LAMA2: variants seen among roughly 807,000 people sequenced by gnomAD.
LAMA2 encodes the protein laminin subunit alpha-2.
A neutral mutation model predicts 364.8 loss-of-function variants in LAMA2; 269 were observed. That is an observed-to-expected ratio of 0.74 (90% CI 0.67 to 0.82). LAMA2 has a LOEUF of 0.82. Ranked by LOEUF, LAMA2 falls within the 40% of genes least tolerant of loss-of-function variation. The pLI is 0.00. For missense variants in LAMA2, 3,807 were observed against 3,873.2 expected (o/e 0.98, Z 0.45); for synonymous variants, 1,379 against 1,370.6 (o/e 1.01, Z -0.14).
chr6:128,960,250 A>G (rs539793433), intron 1 of LAMA2, among the ~76,000 whole-genome samples: 1 of 151,410 alleles, frequency 6.6e-6, no homozygotes, highest in African/African-American at 2.4e-5. Flanking sequence ...TTATTTATCT[A>G]TGGAACTCTT....
rs765369920 is a variant in LAMA2 at position 129,154,454 on chromosome 6, A to G, written c.1028-51A>G. On this transcript the variant is annotated intron_variant, in intron 7 of 64. Transcript: ENST00000421865. Reference sequence around the variant, plus strand: ...TATGTATAACAGAAATGATTTTTAAATGTATCTGAAATCAAATTGATGTTT... The same window carrying G: ...TATGTATAACAGAAATGATTTTTAAGTGTATCTGAAATCAAATTGATGTTT... 71 of 1,475,454 alleles carry G rather than the reference A, an allele frequency of 4.8e-5. No individual in the cohort carries two copies. The Admixed American group carries it at 7.3e-4, about 15-fold the overall frequency. The allele number at this position is 1,475,454 out of a possible 1,614,324, so 91.4% of individuals were successfully genotyped here. A position where few individuals can be genotyped will look rare whatever the true frequency, so the allele number is the denominator to read the frequency against.
At chr6:129,279,337 G>C (rs2114387896) in intron 17 of LAMA2, among the ~76,000 whole-genome samples, 1 of 152,294 alleles carries the variant, frequency 6.6e-6, no homozygotes, top group South Asian at 2.1e-4. Context: ...GCTAGCACCT[G>C]AGTTCTCTGT....
At chr6:128,962,185 T>TACACACAC (rs1554335791) in intron 1 of LAMA2, among the ~76,000 whole-genome samples, 8 of 103,924 alleles carry the variant, frequency 7.7e-5, no homozygotes, top group African/African-American at 3.0e-4. Flanking sequence ...TATATATATA[T>TACACACAC]ACACACATAC....
intron 4 of LAMA2, among the ~76,000 whole-genome samples, chr6:129,108,077 T>C (rs1030438643): frequency 1.4e-5 from 2 of 138,290 alleles, no homozygotes; most frequent in African/African-American, 6.0e-5. Context: ...TTATATCTAA[T>C]AGGTTTTTTT....
chr6:129,360,383 T>C (rs950195855), intron 32 of LAMA2, among the ~76,000 whole-genome samples: 5 of 152,190 alleles, frequency 3.3e-5, no homozygotes, highest in African/African-American at 1.2e-4. Flanking sequence ...AAGTAGCTTC[T>C]GGTGTAAGTG....
intron 41 of LAMA2, among the ~76,000 whole-genome samples, chr6:129,428,351 T>C (rs1302564879): frequency 6.6e-6 from 1 of 152,226 alleles, no homozygotes; most frequent in Non-Finnish European, 1.5e-5. Flanking sequence ...GGAGGATCGC[T>C]TTAGCCCAGG....
At chr6:129,366,081 A>T in intron 32 of LAMA2, 138 bp from the exon 33 acceptor site, 2 of 892,260 alleles carry the variant, frequency 2.2e-6, no homozygotes, top group Non-Finnish European at 1.8e-6. Flanking sequence ...ATTTGATAGC[A>T]TTAATATTCT....
rs973567167 is a variant in LAMA2, at chr6:129,032,107, C to A, written c.113-17811C>A. ...TGCTGGGATTACAGGCGTGAGCCAC[C>A]AGGCCCATCCTCTGATATGAATTTC... On this transcript the variant is annotated intron_variant, in intron 1 of 64. Coordinates refer to ENST00000421865, the MANE Select transcript of LAMA2 (RefSeq NM_000426.4). Among the ~76,000 whole-genome samples the A allele has an allele frequency of 2.0e-5, 3 of 152,188 alleles. No individual in the cohort carries two copies. The South Asian group carries it at 6.2e-4, about 32-fold the overall frequency.
intron 1 of LAMA2, among the ~76,000 whole-genome samples, chr6:129,042,001 C>CAAAA (rs67741467): frequency 4.0e-4 from 57 of 142,932 alleles, no homozygotes; most frequent in African/African-American, 1.4e-3. Context: ...GACCCTGTCT[C>CAAAA]AAAAAAAAAA....
At chr6:129,414,652 G>A (rs7764094) in intron 40 of LAMA2, among the ~76,000 whole-genome samples, 76,199 of 151,878 alleles carry the variant, frequency 0.5, 19,606 homozygotes, top group African/African-American at 0.62. Context: ...GGTCTAAAAT[G>A]GGTCTGGAAA....
intron 41 of LAMA2, among the ~76,000 whole-genome samples, chr6:129,434,765 A>G (rs576708797): frequency 6.6e-6 from 1 of 152,198 alleles, no homozygotes; most frequent in South Asian, 2.1e-4. Flanking sequence ...CCTCGCTATT[A>G]TTTTGTAAGT....
In LAMA2 at chr6:129,402,484, A is replaced by G. The variant is rs940248469; in HGVS notation, c.5723A>G (p.Asp1908Gly). The G allele has an allele frequency of 6.2e-7, 1 of 1,614,074 alleles. No individual in the cohort carries two copies. The highest frequency in any genetic ancestry group is 1.1e-5 in the South Asian group (1 of 91,076). Residue 1908 changes from aspartate (D) to glycine (G), a missense_variant, in exon 39 of 65, where the codon GAT (aspartate) becomes GGT (glycine). Physicochemically the swap from Asp to Gly is moderately conservative, Grantham distance 94 (BLOSUM62 -1). Coordinates refer to ENST00000421865, the MANE Select transcript of LAMA2 (RefSeq NM_000426.4). ...AQLNDSSAVL[D>G]GILDEAKNIS... ...TTGAATGACTCATCTGCTGTCCTTG[A>G]TGGGTATGTCATTTGTTTTTGGAAA...
At position 129,050,089 on chromosome 6, in the gene LAMA2, G is replaced by A. The variant is rs200288072; in HGVS notation, c.283+1G>A. 5.6e-6 allele frequency: 9 copies of A among 1,613,974 alleles called. No individual in the cohort carries two copies. The highest frequency in any genetic ancestry group is 4.0e-5 in the African/African-American group (3 of 74,918). On this transcript the variant is annotated splice_donor_variant, in intron 2 of 64. Coordinates refer to ENST00000421865, the MANE Select transcript of LAMA2 (RefSeq NM_000426.4). LOFTEE classifies it high-confidence loss of function. ...AATCAAAACAGCAGCAATCCAAACC[G>A]TATGTATTTTAGTGTGTAGGTGTGT...
chr6:129,446,821 A>C (rs1782410801), intron 45 of LAMA2, among the ~76,000 whole-genome samples: 1 of 152,162 alleles, frequency 6.6e-6, no homozygotes, highest in Non-Finnish European at 1.5e-5. Flanking sequence ...TAACACTTCT[A>C]AACAACTCCA....
chr6:129,486,802 C>T (rs1393801933), intron 56 of LAMA2, among the ~76,000 whole-genome samples, 180 bp downstream of exon 56: 1 of 152,168 alleles, frequency 6.6e-6, no homozygotes, highest in African/African-American at 2.4e-5. Context: ...TCATTTGCCT[C>T]AGCCCTTAGG....
At chr6:129,100,206 A>G (rs115433254) in intron 4 of LAMA2, among the ~76,000 whole-genome samples, 2,375 of 152,308 alleles carry the variant, frequency 0.016, 72 homozygotes, top group African/African-American at 0.054. Context: ...AATATGAAAC[A>G]AAAGACATGT....
intron 1 of LAMA2, among the ~76,000 whole-genome samples, chr6:128,956,867 T>C (rs1243869447): frequency 6.6e-6 from 1 of 152,110 alleles, no homozygotes; most frequent in African/African-American, 2.4e-5. Flanking sequence ...ATTTTATGTG[T>C]GACTGAGCTT....
chr6:129,347,410 G>A (rs1776613946), intron 30 of LAMA2, among the ~76,000 whole-genome samples: 1 of 151,600 alleles, frequency 6.6e-6, no homozygotes, highest in Non-Finnish European at 1.5e-5. Context: ...GAGAGGAGAA[G>A]GGAACAGAAA....
intron 40 of LAMA2, among the ~76,000 whole-genome samples, chr6:129,422,017 C>T (rs2114730669): frequency 6.6e-6 from 1 of 152,130 alleles, no homozygotes; most frequent in African/African-American, 2.4e-5. Flanking sequence ...AGTTTCCTTA[C>T]TCGCACATTC....
Sources: allele counts gnomAD v4.1 joint callset (sites outside exome capture counted in the v4.1 genomes callset), GRCh38; gene constraint gnomAD v4.1.1; transcripts MANE v1.5; gene names NCBI Gene and HGNC (gene_info 2026-07-23, HGNC 2026-07-21).